AAK1: variants seen among roughly 807,000 people sequenced by gnomAD.
AAK1 encodes AP2-associated protein kinase 1.
Under a neutral mutation model 116.0 loss-of-function variants are expected in AAK1, and 37 were observed. That is an observed-to-expected ratio of 0.32 (90% CI 0.25 to 0.42). The LOEUF (loss-of-function observed/expected upper bound fraction) is 0.42, where lower values mean the gene tolerates loss of function less well. Among genes scored for constraint, AAK1 ranks in the 10% least tolerant of loss-of-function variants. The pLI is 1.00. For missense variants in AAK1, 919 were observed against 1,170.6 expected (o/e 0.79, Z 3.14); for synonymous variants, 458 against 439.9 (o/e 1.04, Z -0.51).
chr2:69,573,581 C>A (rs140764210), intron 2 of AAK1, among the ~76,000 whole-genome samples: 2 of 152,158 alleles, frequency 1.3e-5, no homozygotes, highest in East Asian at 3.8e-4. Flanking sequence ...TGTTGGCTGG[C>A]GTGTGCCTGG....
intron 2 of AAK1, among the ~76,000 whole-genome samples, chr2:69,597,056 A>G (rs1673330981): frequency 6.6e-6 from 1 of 152,054 alleles, no homozygotes; most frequent in Admixed American, 6.5e-5. Context: ...TGTTCACAGC[A>G]AATCTGAGTG....
At position 69,544,653 on chromosome 2, in the gene AAK1, G is replaced by A; in HGVS notation, c.283-109C>T. On this transcript the variant is annotated intron_variant, in intron 3 of 21. Coordinates refer to ENST00000409085, the MANE Select transcript of AAK1 (RefSeq NM_014911.5). Reference sequence around the variant, plus strand: ...AATTTAAATACAGAGATGATACAGTGTTGACAGAGAAGACTAAGGAGCAAA... The same window carrying A: ...AATTTAAATACAGAGATGATACAGTATTGACAGAGAAGACTAAGGAGCAAA... 3.8e-6 allele frequency: 3 copies of A among 798,314 alleles called. 1 individual carries two copies. Among genetic ancestry groups the A allele is most frequent in the South Asian group, 1.7e-5 (1 of 58,398 alleles). 49.5% of individuals were successfully genotyped at this position (798,314 alleles called of 1,614,324 possible).
At chr2:69,520,210 G>C in intron 11 of AAK1, 1 of 210,502 alleles carries the variant, frequency 4.8e-6, no homozygotes, top group Non-Finnish European at 1.0e-5. Flanking sequence ...GGAAATATAT[G>C]AAATAAAGAG....
At chr2:69,614,912 A>G (rs1369164284) in intron 2 of AAK1, among the ~76,000 whole-genome samples, 7 of 152,180 alleles carry the variant, frequency 4.6e-5, no homozygotes, top group Admixed American at 3.9e-4. Flanking sequence ...TAGGCAAGAA[A>G]TGATTCTCCC....
chr2:69,474,530 C>CT lies in AAK1; in HGVS notation c.*1338dup. 1.0e-6 allele frequency: 1 copy of CT among 984,606 alleles called. No homozygotes were observed. The highest frequency in any genetic ancestry group is 1.2e-6 in the Non-Finnish European group (1 of 829,518). The allele number at this position is 984,606 out of a possible 1,614,324, so 61.0% of individuals were successfully genotyped here. A position where few individuals can be genotyped will look rare whatever the true frequency, so the allele number is the denominator to read the frequency against. On this transcript the variant is annotated 3_prime_UTR_variant, in exon 22 of 22. Coordinates refer to ENST00000409085, the MANE Select transcript of AAK1 (RefSeq NM_014911.5). ...ATCCTAAAGTTAATAAAGAACTATG[C>CT]TTTATTATTTTTTTTTAATCTAGGA... is the stretch of plus-strand genomic sequence containing the variant.
In AAK1 at chr2:69,474,596, C is replaced by G. The variant is rs1345905682; in HGVS notation, c.*1273G>C. ...GCTGAACATATTCCATTGGCTGCAG[C>G]CTTCAATTTAAACATCAGAAAGAAA... is the stretch of plus-strand genomic sequence containing the variant. On this transcript the variant is annotated 3_prime_UTR_variant, in exon 22 of 22. Coordinates refer to ENST00000409085, the MANE Select transcript of AAK1 (RefSeq NM_014911.5). 2.0e-6 allele frequency: 2 copies of G among 985,122 alleles called. No homozygotes were observed. The highest frequency in any genetic ancestry group is 6.2e-5 in the Admixed American group (1 of 16,224). 61.0% of individuals were successfully genotyped at this position (985,122 alleles called of 1,614,324 possible). A position where few individuals can be genotyped will look rare whatever the true frequency, so the allele number is the denominator to read the frequency against.
intron 2 of AAK1, among the ~76,000 whole-genome samples, chr2:69,630,394 G>C (rs1366884512): frequency 6.6e-6 from 1 of 150,988 alleles, no homozygotes; most frequent in Non-Finnish European, 1.5e-5. Context: ...GACCTCCTGT[G>C]TGTATTTCCA....
chr2:69,482,366 A>G (rs1675122220), intron 18 of AAK1: 1 of 539,116 alleles, frequency 1.9e-6, no homozygotes, highest in African/African-American at 1.9e-5. Flanking sequence ...CAAAAAAAAA[A>G]AAAAGAAGAA....
intron 5 of AAK1, among the ~76,000 whole-genome samples, chr2:69,540,885 A>G (rs2105048197): frequency 6.6e-6 from 1 of 152,374 alleles, no homozygotes; most frequent in East Asian, 1.9e-4. Context: ...TGGATAAACA[A>G]AATGTGGTAC....
At chr2:69,606,457 C>G (rs1010758506) in intron 2 of AAK1, among the ~76,000 whole-genome samples, 2 of 152,178 alleles carry the variant, frequency 1.3e-5, no homozygotes, top group Non-Finnish European at 2.9e-5. Flanking sequence ...ACCTCAATGT[C>G]TGATTCACTG....
At chr2:69,568,455 G>A (rs1012047811) in intron 2 of AAK1, among the ~76,000 whole-genome samples, 1 of 146,410 alleles carries the variant, frequency 6.8e-6, no homozygotes, top group African/African-American at 2.5e-5. Context: ...TTTTAAGACA[G>A]GGTCTCGCTC....
At chr2:69,578,699 C>A (rs114785818) in intron 2 of AAK1, among the ~76,000 whole-genome samples, 1,673 of 152,166 alleles carry the variant, frequency 0.011, 35 homozygotes, top group African/African-American at 0.038. Context: ...TTAGGGACTT[C>A]ACTCCCTGAA....
At chr2:69,523,440 G>A (rs1166209296) in intron 10 of AAK1, among the ~76,000 whole-genome samples, 2 of 152,178 alleles carry the variant, frequency 1.3e-5, no homozygotes, top group African/African-American at 2.4e-5. Context: ...TACACAGCAG[G>A]CATTTAATAA....
rs553877135 is a variant in AAK1, at chr2:69,467,371, C to A, written c.*8498G>T. On this transcript the variant is annotated 3_prime_UTR_variant, in exon 22 of 22. Coordinates refer to ENST00000409085, the MANE Select transcript of AAK1 (RefSeq NM_014911.5). ...GTAGAGGTGCCTCAGGGTGCTCTGGCTTTTAAAATCAAATAGACAATTATC... is the reference window on the plus strand; with the variant it reads ...GTAGAGGTGCCTCAGGGTGCTCTGGATTTTAAAATCAAATAGACAATTATC... The A allele has an allele frequency of 5.1e-6, 5 of 985,390 alleles. No individual in the cohort carries two copies. In the Admixed American group the frequency reaches 2.5e-4, roughly 48 times the overall value. 61.0% of individuals were successfully genotyped at this position (985,390 alleles called of 1,614,324 possible). A position where few individuals can be genotyped will look rare whatever the true frequency, so the allele number is the denominator to read the frequency against.
rs1674541036 is a variant in AAK1 at position 69,467,866 on chromosome 2, C to A, written c.*8003G>T. 2 of 985,412 alleles carry A rather than the reference C, an allele frequency of 2.0e-6. No individual in the cohort carries two copies. Among genetic ancestry groups the A allele is most frequent in the Non-Finnish European group, 2.4e-6 (2 of 829,904 alleles). The allele number at this position is 985,412 out of a possible 1,614,324, so 61.0% of individuals were successfully genotyped here. ...AAGAGAATGTAGAGAGAGGTCTGAA[C>A]ATTTTATAAGATACTGTACAAAAAT... is the stretch of plus-strand genomic sequence containing the variant. On this transcript the variant is annotated 3_prime_UTR_variant, in exon 22 of 22. Transcript: ENST00000409085.
At chr2:69,570,296 T>A (rs1442611559) in intron 2 of AAK1, among the ~76,000 whole-genome samples, 2 of 151,698 alleles carry the variant, frequency 1.3e-5, no homozygotes, top group Non-Finnish European at 2.9e-5. Flanking sequence ...CTCAGTCTTC[T>A]GCTTGACAAA....
intron 13 of AAK1, among the ~76,000 whole-genome samples, chr2:69,512,250 TAAG>T (rs1054874589): frequency 2.0e-5 from 3 of 152,176 alleles, no homozygotes; most frequent in African/African-American, 7.2e-5. Context: ...TCAAGAAATG[TAAG>T]AATATAGAAA....
intron 20 of AAK1, 157 bp downstream of exon 20, chr2:69,478,794 T>A: frequency 1.6e-6 from 1 of 620,638 alleles, no homozygotes; most frequent in South Asian, 1.8e-5. Flanking sequence ...TGAGAGGTAT[T>A]ATAACACAGT....
chr2:69,597,011 C>A (rs1673327615), intron 2 of AAK1, among the ~76,000 whole-genome samples: 1 of 151,822 alleles, frequency 6.6e-6, no homozygotes, highest in Non-Finnish European at 1.5e-5. Context: ...GGAAGTATTA[C>A]CAAATTGGGT....
Sources: gnomAD v4.1 joint callset for allele counts (sites outside exome capture counted in the v4.1 genomes callset) on GRCh38, gnomAD v4.1.1 for gene constraint, MANE v1.5 for transcripts, NCBI Gene and HGNC (gene_info 2026-07-23, HGNC 2026-07-21) for gene names.